The following DLG5 variants were observed in gnomAD, a reference collection of about 807,000 sequenced individuals.
DLG5 encodes the protein discs large MAGUK scaffold protein 5, also known as disks large homolog 5.
DLG5 carries 48 observed loss-of-function variants against 189.8 expected under a neutral mutation model. The observed-to-expected ratio is 0.25, with a 90% CI of 0.20 to 0.32. The LOEUF (loss-of-function observed/expected upper bound fraction) is 0.32, where lower values mean the gene tolerates loss of function less well. Ranked by LOEUF, DLG5 falls within the 10% of genes least tolerant of loss-of-function variation. The probability of loss-of-function intolerance (pLI) is 1.00; values close to 1 mark genes in which losing one functional copy is unlikely to be tolerated. For synonymous variants in DLG5, 1,016 were observed against 1,054.1 expected, an observed-to-expected ratio of 0.96 and a Z score of 0.70; for missense variants, 2,160 against 2,544.7, an observed-to-expected ratio of 0.85 and a Z score of 3.25.
chr10:77,873,942 G>A (rs1411728913), intron 1 of DLG5, among the ~76,000 whole-genome samples: 2 of 152,238 alleles, frequency 1.3e-5, no homozygotes, highest in Non-Finnish European at 2.9e-5. Context: ...GGCCCCAGGA[G>A]GACAGTCACT....
rs145248199 is a variant in DLG5 at position 77,879,133 on chromosome 10, G to A, written c.305-9936C>T. Among the ~76,000 whole-genome samples the A allele has an allele frequency of 6.9e-3, 1,057 of 152,306 alleles. 12 individuals carry two copies. Among genetic ancestry groups the A allele is most frequent in the African/African-American group, 0.023 (967 of 41,556 alleles). On this transcript the variant is annotated intron_variant, in intron 1 of 31. Coordinates refer to ENST00000372391, the MANE Select transcript of DLG5 (RefSeq NM_004747.4). Reference sequence around the variant, plus strand: ...AAAAATGTTGCAGAGTTAAATGGTAGGTGGTGGGGGTGGAGAGGAGATGTG... The same window carrying A: ...AAAAATGTTGCAGAGTTAAATGGTAAGTGGTGGGGGTGGAGAGGAGATGTG...
chr10:77,920,226 T>G (rs1846495683), intron 1 of DLG5, among the ~76,000 whole-genome samples: 2 of 152,202 alleles, frequency 1.3e-5, no homozygotes, highest in African/African-American at 4.8e-5. Context: ...GCTCTTCCAT[T>G]TTTCCTACCA....
intron 5 of DLG5, among the ~76,000 whole-genome samples, 200 bp downstream of exon 5, chr10:77,853,147 ATTTTTTT>A (rs71030909): frequency 4.2e-5 from 6 of 143,810 alleles, no homozygotes; most frequent in African/African-American, 1.3e-4. Context: ...TGTCCAGCTA[ATTTTTTT>A]TTTTTTTTTG....
intron 27 of DLG5, among the ~76,000 whole-genome samples, chr10:77,801,138 G>GACC (rs796925543): frequency 7.1e-4 from 108 of 152,262 alleles, no homozygotes; most frequent in African/African-American, 2.4e-3. Flanking sequence ...GAAAAACAAA[G>GACC]ACCACAGAAA....
intron 7 of DLG5, among the ~76,000 whole-genome samples, chr10:77,836,181 C>A (rs1452162379): frequency 6.6e-6 from 1 of 152,104 alleles, no homozygotes; most frequent in Non-Finnish European, 1.5e-5. Context: ...CAAAAATACA[C>A]CAGTATTCCT....
chr10:77,808,095 T>A (rs1046502575), intron 24 of DLG5, 151 bp from the exon 25 acceptor site: 4 of 927,794 alleles, frequency 4.3e-6, no homozygotes, highest in Non-Finnish European at 4.8e-6. Flanking sequence ...AAGGACTGAG[T>A]CTTCATGGTC....
Position 77,796,311 on chromosome 10 carries a change from C to T in DLG5, c.5309-123G>A. On this transcript the variant is annotated intron_variant, in intron 28 of 31. Coordinates refer to ENST00000372391, the MANE Select transcript of DLG5 (RefSeq NM_004747.4). The surrounding 1 kb of genome is among the most constrained non-coding windows in gnomAD (Gnocchi z 5.2). ...CCAGTCCTGCCATGCATGAATCTGACCCATGTCAGCAGGCTTCTGGAACAC... is the reference window on the plus strand; with the variant it reads ...CCAGTCCTGCCATGCATGAATCTGATCCATGTCAGCAGGCTTCTGGAACAC... 1 of 1,585,482 alleles carries T rather than the reference C, an allele frequency of 6.3e-7. No individual in the cohort carries two copies. Among genetic ancestry groups the T allele is most frequent in the South Asian group, 1.1e-5 (1 of 87,896 alleles).
chr10:77,832,785 T>C (rs1434030813), intron 9 of DLG5, among the ~76,000 whole-genome samples: 2 of 152,192 alleles, frequency 1.3e-5, no homozygotes, highest in African/African-American at 2.4e-5. Context: ...GATTCTAGGC[T>C]TTCCCTTCGA....
At position 77,842,012 on chromosome 10, in the gene DLG5, T is replaced by C; in HGVS notation, c.1306A>G (p.Met436Val). Residue 436 changes from methionine (M) to valine (V), a missense_variant, in exon 7 of 32, where the codon ATG (methionine) becomes GTG (valine). Coordinates refer to ENST00000372391, the MANE Select transcript of DLG5 (RefSeq NM_004747.4). ...DAVYSEYKLIMSERDQVISEL... is the reference protein window; with the variant it reads ...DAVYSEYKLIVSERDQVISEL... ...GAGATGACCTGGTCACGCTCACTCATGATGAGCTTGTACTCGCTGTACACA... is the reference window on the plus strand; with the variant it reads ...GAGATGACCTGGTCACGCTCACTCACGATGAGCTTGTACTCGCTGTACACA... 6.2e-7 allele frequency: 1 copy of C among 1,614,250 alleles called. No homozygotes were observed. Among genetic ancestry groups the C allele is most frequent in the Non-Finnish European group, 8.5e-7 (1 of 1,180,046 alleles).
chr10:77,825,354 A>G (rs1453146172), intron 13 of DLG5, among the ~76,000 whole-genome samples: 1 of 147,334 alleles, frequency 6.8e-6, no homozygotes, highest in Non-Finnish European at 1.5e-5. Context: ...ACAGAACAAC[A>G]TGTGTTTAAC....
At chr10:77,915,499 A>G (rs887548370) in intron 1 of DLG5, among the ~76,000 whole-genome samples, 1 of 152,218 alleles carries the variant, frequency 6.6e-6, no homozygotes, top group African/African-American at 2.4e-5. Context: ...TCCATGATAA[A>G]GGACTCTGTG....
intron 18 of DLG5, 77 bp downstream of exon 18, chr10:77,817,700 G>C (rs1842130313): frequency 1.5e-6 from 2 of 1,328,096 alleles, no homozygotes; most frequent in South Asian, 2.6e-5. Flanking sequence ...CCCACCCGCA[G>C]ATCTGGACAT....
intron 1 of DLG5, among the ~76,000 whole-genome samples, chr10:77,904,636 T>C (rs1212359555): frequency 6.6e-6 from 1 of 151,476 alleles, no homozygotes; most frequent in Non-Finnish European, 1.5e-5. Flanking sequence ...TTATCAGGGG[T>C]TTCCGCCTTT....
chr10:77,914,326 G>A (rs888555416), intron 1 of DLG5, among the ~76,000 whole-genome samples: 3 of 152,154 alleles, frequency 2.0e-5, no homozygotes, highest in African/African-American at 4.8e-5. Context: ...CACAGGCTGG[G>A]AGCTTGTTCT....
chr10:77,887,694 G>A (rs1382189037), intron 1 of DLG5, among the ~76,000 whole-genome samples: 1 of 152,220 alleles, frequency 6.6e-6, no homozygotes, highest in Non-Finnish European at 1.5e-5. Flanking sequence ...CAGCTGAGAT[G>A]AGATAAGAGA....
chr10:77,919,311 A>C (rs1003908765), intron 1 of DLG5, among the ~76,000 whole-genome samples: 1 of 152,086 alleles, frequency 6.6e-6, no homozygotes, highest in Non-Finnish European at 1.5e-5. Flanking sequence ...AAAACCACTC[A>C]ACACTAACAT....
intron 1 of DLG5, among the ~76,000 whole-genome samples, chr10:77,894,372 G>A (rs1239359690): frequency 6.6e-6 from 1 of 152,070 alleles, no homozygotes; most frequent in Non-Finnish European, 1.5e-5. Flanking sequence ...ATTTTTGTGA[G>A]GCTAAAATGA....
At chr10:77,911,128 T>TATTG (rs750710744) in intron 1 of DLG5, among the ~76,000 whole-genome samples, 8 of 152,124 alleles carry the variant, frequency 5.3e-5, no homozygotes, top group African/African-American at 9.7e-5. Flanking sequence ...TAAAGTGTTT[T>TATTG]ATTGATTGAT....
intron 1 of DLG5, among the ~76,000 whole-genome samples, chr10:77,880,962 C>T (rs573143835): frequency 3.1e-4 from 23 of 73,276 alleles, no homozygotes; most frequent in Admixed American, 4.2e-4. Flanking sequence ...AACCCTAGAC[C>T]TTTTTTTTTT....
Sources: gnomAD v4.1 joint callset for allele counts (sites outside exome capture counted in the v4.1 genomes callset) on GRCh38, gnomAD v4.1.1 for gene constraint, Gnocchi (gnomAD v3.1) non-coding constraint, MANE v1.5 for transcripts, NCBI Gene and HGNC (gene_info 2026-07-23, HGNC 2026-07-21) for gene names.